BRD8: variants seen among roughly 807,000 people sequenced by gnomAD.
BRD8 encodes bromodomain-containing protein 8.
Under a neutral mutation model 143.1 loss-of-function variants are expected in BRD8, and 67 were observed. The ratio of observed to expected loss-of-function variants is 0.47; its 90% CI spans 0.38 to 0.57. BRD8 has a LOEUF of 0.57. Among genes scored for constraint, BRD8 ranks in the 20% least tolerant of loss-of-function variants. The pLI is 0.00. For missense variants in BRD8, 1,103 were observed against 1,503.0 expected (o/e 0.73, Z 4.40); for synonymous variants, 505 against 517.1 (o/e 0.98, Z 0.32).
intron 20 of BRD8, among the ~76,000 whole-genome samples, chr5:138,155,511 GTTA>G (rs1397762321): frequency 1.3e-5 from 2 of 150,036 alleles, no homozygotes; most frequent in Non-Finnish European, 3.0e-5. Flanking sequence ...AAAAAAAAAA[GTTA>G]TTAACAGAAG....
chr5:138,157,394 G>C, intron 20 of BRD8: 1 of 1,202,334 alleles, frequency 8.3e-7, no homozygotes, highest in Non-Finnish European at 1.2e-6. Context: ...AATCCAGAGG[G>C]ATGAGGGGCA....
At chr5:138,161,101 G>C (rs1451703398) in intron 17 of BRD8, 33 bp from the exon 18 acceptor site, 2 of 1,562,322 alleles carry the variant, frequency 1.3e-6, no homozygotes, top group South Asian at 2.3e-5. Context: ...AGTAGCAGTG[G>C]GGATGGAAAG....
chr5:138,177,287 T>C, intron 2 of BRD8: 1 of 235,616 alleles, frequency 4.2e-6, no homozygotes, highest in Non-Finnish European at 8.7e-6. Context: ...CCCAGCACTC[T>C]GGCAGGCCGA....
At position 138,145,839 on chromosome 5, in the gene BRD8, C is replaced by G. The variant is rs888844650; in HGVS notation, c.3318G>C (p.Leu1106Phe). 1 of 1,613,950 alleles carries G rather than the reference C, an allele frequency of 6.2e-7. No individual in the cohort carries two copies. Among genetic ancestry groups the G allele is most frequent in the Non-Finnish European group, 8.5e-7 (1 of 1,179,924 alleles). ...LSQDDPVQDH[L>F]LFKKTLLPVW... ...CTGGCAGGAGAGTCTTCTTAAATAG[C>G]AAATGATCCTGAACAGGGTCATCCT... The change falls in exon 24 of 27, where the codon TTG becomes TTC. Residue 1106 changes from leucine (L) to phenylalanine (F), a missense_variant. Around this residue, in one of 7 missense-constraint regions of BRD8, gnomAD observed 369 missense variants for 445.5 expected, o/e 0.83. Coordinates refer to ENST00000254900, the MANE Select transcript of BRD8 (RefSeq NM_139199.2).
intron 17 of BRD8, among the ~76,000 whole-genome samples, chr5:138,161,591 T>G (rs1753003932): frequency 1.3e-5 from 2 of 152,214 alleles, no homozygotes; most frequent in Admixed American, 6.5e-5. Flanking sequence ...ATTACAGGCG[T>G]GAGCCACCGC....
intron 3 of BRD8, among the ~76,000 whole-genome samples, 183 bp downstream of exon 3, chr5:138,171,882 A>G (rs1182147238): frequency 6.6e-6 from 1 of 152,146 alleles, no homozygotes; most frequent in Non-Finnish European, 1.5e-5. Context: ...CAACACCAAT[A>G]AGAAAGGTCT....
chr5:138,140,836 T>C lies in BRD8; in HGVS notation c.3484A>G (p.Ile1162Val), dbSNP rs1353788117. 6.2e-7 allele frequency: 1 copy of C among 1,614,192 alleles called. No individual in the cohort carries two copies. The highest frequency in any genetic ancestry group is 8.5e-7 in the Non-Finnish European group (1 of 1,180,040). ...SLKRNLSKGR[I>V]RTMAQFLRDL... is the part of the protein sequence containing the mutation. Reference sequence around the variant, plus strand: ...CGCAGGAATTGGGCCATGGTGCGAATCCGACCCTTAGAGAGATTTCTCTTC... The same window carrying C: ...CGCAGGAATTGGGCCATGGTGCGAACCCGACCCTTAGAGAGATTTCTCTTC... The change falls in exon 26 of 27, where the codon ATT becomes GTT. Residue 1162 changes from isoleucine (I) to valine (V), a missense_variant. This residue lies in a region of BRD8 where 369 missense variants were observed against 445.5 expected (regional missense o/e 0.83). Coordinates refer to ENST00000254900, the MANE Select transcript of BRD8 (RefSeq NM_139199.2).
At chr5:138,161,154 C>T (rs929441406) in intron 17 of BRD8, 86 bp from the exon 18 acceptor site, 18 of 1,068,064 alleles carry the variant, frequency 1.7e-5, no homozygotes, top group Non-Finnish European at 2.2e-5. Context: ...TATAGACTTT[C>T]TCATATATAC....
intron 2 of BRD8, among the ~76,000 whole-genome samples, chr5:138,175,577 G>A (rs1477840447): frequency 6.6e-6 from 1 of 151,112 alleles, no homozygotes; most frequent in Admixed American, 6.6e-5. Flanking sequence ...TGGTGGCAAG[G>A]GTCTGTATTC....
At chr5:138,165,511 A>T (rs539042465) in intron 11 of BRD8, among the ~76,000 whole-genome samples, 4 of 152,290 alleles carry the variant, frequency 2.6e-5, no homozygotes, top group Non-Finnish European at 5.9e-5. Context: ...GGATCACTTG[A>T]GGCCAGGAGT....
rs1753809705 is a variant in BRD8, at chr5:138,170,888, T to C, written c.384A>G (p.Leu128=). 6.2e-7 allele frequency: 1 copy of C among 1,614,090 alleles called. No individual in the cohort carries two copies. Among genetic ancestry groups the C allele is most frequent in the Non-Finnish European group, 8.5e-7 (1 of 1,180,042 alleles). The part of the protein sequence containing the change: ...RYRRLKRDAE[L]IQAGHMDSRL... ...TGCTGTCCATGTGTCCAGCTTGAAT[T>C]AGTTCTGCATCTCTCTTTAGCCGTC... The change falls in exon 6 of 27, where the codon CTA becomes CTG. Residue 128 remains leucine, a synonymous_variant. Transcript: ENST00000254900.
chr5:138,149,910 A>G lies in BRD8; in HGVS notation c.3121-113T>C, dbSNP rs184336093. ...CTTAAGGTGAGAAGAGGTCAATTAC[A>G]TAAAGCTACAAAAGAAATTAAAGAA... On this transcript the variant is annotated intron_variant, in intron 22 of 26. Coordinates refer to ENST00000254900, the MANE Select transcript of BRD8 (RefSeq NM_139199.2). 1.4e-4 allele frequency: 138 copies of G among 966,482 alleles called. No individual in the cohort carries two copies. In the African/African-American group the frequency reaches 2.1e-3, roughly 15 times the overall value. 59.9% of individuals were successfully genotyped at this position (966,482 alleles called of 1,614,324 possible).
chr5:138,162,205 CTCTTT>C, intron 15 of BRD8, 59 bp from the exon 16 acceptor site: 1 of 1,368,270 alleles, frequency 7.3e-7, no homozygotes, highest in African/African-American at 1.5e-5. Context: ...AATTATAATT[CTCTTT>C]TCTTTTTGAG....
In BRD8 at chr5:138,160,144, T is replaced by C. The variant is rs1752889633; in HGVS notation, c.2457A>G (p.Gln819=). ...TAGCACTGATCCCAGACTCGGATGT[T>C]TGCATAATCAACTGCGTGGCCAAGA... ...QQFLATQLIM[Q]TSESGISAKS... Residue 819 remains glutamine (Q), a synonymous_variant, in exon 19 of 27, where the codon CAA becomes CAG. Transcript: ENST00000254900. 5.0e-6 allele frequency: 8 copies of C among 1,614,136 alleles called. No individual in the cohort carries two copies. Among genetic ancestry groups the C allele is most frequent in the South Asian group, 1.1e-5 (1 of 91,074 alleles).
intron 25 of BRD8, among the ~76,000 whole-genome samples, chr5:138,142,810 AATCCC>A: frequency 6.6e-6 from 1 of 151,834 alleles, no homozygotes; most frequent in East Asian, 1.9e-4. Flanking sequence ...ACCTGCCTGT[AATCCC>A]AGCATTTTGG....
intron 23 of BRD8, among the ~76,000 whole-genome samples, chr5:138,147,424 A>G (rs556584552): frequency 9.2e-5 from 14 of 151,922 alleles, no homozygotes; most frequent in Admixed American, 7.9e-4. Context: ...TCTGGGATAT[A>G]CTGAAGAAAA....
At chr5:138,159,526 A>G (rs1365873372) in intron 20 of BRD8, 29 bp downstream of exon 20, 1 of 1,612,668 alleles carries the variant, frequency 6.2e-7, no homozygotes, top group South Asian at 1.1e-5. Context: ...TTGTGGCAAC[A>G]CCACCCCTTG....
intron 8 of BRD8, chr5:138,168,815 A>G (rs1038715710): frequency 1.7e-5 from 11 of 642,634 alleles, no homozygotes; most frequent in African/African-American, 5.6e-5. Flanking sequence ...GAAACCCTCT[A>G]TCCCTCCTGC....
At chr5:138,154,320 T>C (rs192635379) in intron 20 of BRD8, among the ~76,000 whole-genome samples, 28 of 152,276 alleles carry the variant, frequency 1.8e-4, no homozygotes, top group Middle Eastern at 6.8e-3. Context: ...CTAATTACAT[T>C]TTTCTCCGTA....
Sources: allele counts gnomAD v4.1 joint callset (sites outside exome capture counted in the v4.1 genomes callset), GRCh38; gene constraint gnomAD v4.1.1; regional missense constraint gnomAD v4.1.1; transcripts MANE v1.5; gene names NCBI Gene and HGNC (gene_info 2026-07-23, HGNC 2026-07-21).